The following TRIO variants were observed in gnomAD, a reference collection of about 807,000 sequenced individuals.
The protein encoded by TRIO is trio Rho guanine nucleotide exchange factor, also known as triple functional domain protein.
In TRIO, 58 loss-of-function variants were observed where a neutral mutation model predicts 351.9. That is an observed-to-expected ratio of 0.16 (90% CI 0.13 to 0.21). The LOEUF (loss-of-function observed/expected upper bound fraction) is 0.21. Among genes scored for constraint, TRIO ranks in the 10% least tolerant of loss-of-function variants. TRIO has a pLI of 1.00. For missense variants in TRIO, 3,201 were observed against 4,027.8 expected, an observed-to-expected ratio of 0.79 and a Z score of 5.56; for synonymous variants, 1,758 against 1,595.7, an observed-to-expected ratio of 1.10 and a Z score of -2.42.
intron 28 of TRIO, among the ~76,000 whole-genome samples, chr5:14,394,567 A>G (rs1253461696): frequency 6.6e-6 from 1 of 152,158 alleles, no homozygotes; most frequent in African/African-American, 2.4e-5. Flanking sequence ...TCAGCTCAGA[A>G]CACAGATCTG....
chr5:14,404,528 T>C (rs577965342), intron 31 of TRIO, among the ~76,000 whole-genome samples: 34 of 152,342 alleles, frequency 2.2e-4, no homozygotes, highest in African/African-American at 7.9e-4. Flanking sequence ...TGCCAGTTGT[T>C]CTTTTGCAGG....
At chr5:14,275,858 C>CT (rs1028959982) in intron 2 of TRIO, among the ~76,000 whole-genome samples, 2 of 102,582 alleles carry the variant, frequency 1.9e-5, no homozygotes, top group Non-Finnish European at 4.1e-5. Flanking sequence ...AACTCTGTCT[C>CT]TATGTGTGTA....
rs1025676560 is a variant in TRIO at position 14,446,508 on chromosome 5, A to G, written c.5204-14511A>G. ...GCATGTGGGTGGGCAGGGGGAAGAG[A>G]GGGGGACAAGATGTCATAAAATCAA... On this transcript the variant is annotated intron_variant, in intron 34 of 56. Transcript: ENST00000344204. Among the ~76,000 whole-genome samples, 11 of 152,110 alleles carry G rather than the reference A, an allele frequency of 7.2e-5. No homozygotes were observed. The East Asian group carries it at 1.9e-3, about 27-fold the overall frequency.
intron 41 of TRIO, among the ~76,000 whole-genome samples, chr5:14,478,262 C>G (rs924970863): frequency 6.6e-6 from 1 of 152,202 alleles, no homozygotes; most frequent in Admixed American, 6.5e-5. Context: ...GTTTACTCAT[C>G]CAGGACATTC....
At chr5:14,275,032 CAAATCTGGGGG>C (rs1258875103) in intron 2 of TRIO, among the ~76,000 whole-genome samples, 1 of 152,082 alleles carries the variant, frequency 6.6e-6, no homozygotes, top group Non-Finnish European at 1.5e-5. Context: ...CTTTAGTGGA[CAAATCTGGGGG>C]AAAACACACA....
intron 29 of TRIO, among the ~76,000 whole-genome samples, chr5:14,397,686 T>G (rs1747727103): frequency 6.6e-6 from 1 of 152,234 alleles, no homozygotes; most frequent in Non-Finnish European, 1.5e-5. Context: ...TGTGCAAAGC[T>G]TGGTTCTTGC....
chr5:14,292,199 A>G lies in TRIO; in HGVS notation c.1054-813A>G, dbSNP rs1392850076. ...ATTCTTGGATGTAAAAGGACTTTTC[A>G]AAAGGTGATAATCCAGTGTTTTTAT... On this transcript the variant is annotated intron_variant, in intron 5 of 56. Transcript: ENST00000344204. Among the ~76,000 whole-genome samples, 2 of 152,266 alleles carry G rather than the reference A, an allele frequency of 1.3e-5. 1 individual carries two copies. Among genetic ancestry groups the G allele is most frequent in the Non-Finnish European group, 2.9e-5 (2 of 68,040 alleles).
intron 34 of TRIO, among the ~76,000 whole-genome samples, chr5:14,430,651 G>A (rs1751021660): frequency 1.3e-5 from 2 of 151,776 alleles, no homozygotes; most frequent in African/African-American, 4.8e-5. Flanking sequence ...GAAGGATTCA[G>A]TTTCTTACCA....
At chr5:14,245,170 A>G (rs1794360000) in intron 1 of TRIO, among the ~76,000 whole-genome samples, 1 of 152,160 alleles carries the variant, frequency 6.6e-6, no homozygotes, top group Non-Finnish European at 1.5e-5. Context: ...TTGAACATCC[A>G]CTCGCCGTTC....
intron 34 of TRIO, among the ~76,000 whole-genome samples, chr5:14,431,610 G>C (rs1233386693): frequency 6.6e-6 from 1 of 152,204 alleles, no homozygotes; most frequent in Non-Finnish European, 1.5e-5. Flanking sequence ...CTTAGATATA[G>C]ATGTGTTTCC....
chr5:14,403,089 TGTG>T (rs567298862), intron 31 of TRIO, among the ~76,000 whole-genome samples: 152 of 114,228 alleles, frequency 1.3e-3, no homozygotes, highest in East Asian at 2.7e-3. Flanking sequence ...GGGTACAGGT[TGTG>T]GTGGTGAGGG....
intron 1 of TRIO, among the ~76,000 whole-genome samples, chr5:14,176,354 C>G (rs1789401994): frequency 6.6e-6 from 1 of 152,154 alleles, no homozygotes; most frequent in Non-Finnish European, 1.5e-5. Flanking sequence ...CCTGTAGTCC[C>G]AGCTACTCAG....
intron 1 of TRIO, among the ~76,000 whole-genome samples, chr5:14,239,683 A>C (rs1794010951): frequency 6.6e-6 from 1 of 152,182 alleles, no homozygotes; most frequent in Non-Finnish European, 1.5e-5. Flanking sequence ...CCAACTCTAA[A>C]AACCCACATT....
intron 21 of TRIO, among the ~76,000 whole-genome samples, chr5:14,382,494 G>A (rs1172053491): frequency 3.3e-5 from 5 of 152,090 alleles, no homozygotes; most frequent in South Asian, 2.1e-4. Context: ...CATGGGGGGC[G>A]CAGCAAGAAG....
chr5:14,218,898 G>A (rs1455458249), intron 1 of TRIO, among the ~76,000 whole-genome samples: 1 of 152,240 alleles, frequency 6.6e-6, no homozygotes, highest in Non-Finnish European at 1.5e-5. Flanking sequence ...TGGGATCCCT[G>A]TGCCGCTGGC....
intron 2 of TRIO, among the ~76,000 whole-genome samples, chr5:14,276,831 G>C (rs554398320): frequency 2.0e-5 from 3 of 152,308 alleles, no homozygotes; most frequent in African/African-American, 7.2e-5. Flanking sequence ...GTCATCCTGG[G>C]CCACATTGCT....
intron 8 of TRIO, among the ~76,000 whole-genome samples, chr5:14,312,209 C>T (rs564765528): frequency 6.6e-6 from 1 of 152,248 alleles, no homozygotes; most frequent in South Asian, 2.1e-4. Context: ...TTAAGGGTGA[C>T]ATGCAGAAAT....
At chr5:14,254,126 G>C (rs953139290) in intron 1 of TRIO, among the ~76,000 whole-genome samples, 5 of 152,162 alleles carry the variant, frequency 3.3e-5, no homozygotes, top group Non-Finnish European at 7.3e-5. Flanking sequence ...GAATAGTAAA[G>C]TAAGTAATAA....
chr5:14,414,239 C>T (rs751905545), intron 33 of TRIO, among the ~76,000 whole-genome samples: 8 of 152,350 alleles, frequency 5.3e-5, no homozygotes, highest in South Asian at 2.1e-4. Context: ...GTGGGGCCTG[C>T]ACGGCACCTC....
Sources: allele counts gnomAD v4.1 joint callset (sites outside exome capture counted in the v4.1 genomes callset), GRCh38; gene constraint gnomAD v4.1.1; transcripts MANE v1.5; gene names NCBI Gene and HGNC (gene_info 2026-07-23, HGNC 2026-07-21).